The following ARHGAP25 variants were observed in gnomAD, a reference collection of about 807,000 sequenced individuals.
ARHGAP25 encodes rho GTPase-activating protein 25.
ARHGAP25 carries 34 observed loss-of-function variants against 71.0 expected under a neutral mutation model. That is an observed-to-expected ratio of 0.48 (90% confidence interval 0.36 to 0.64). The LOEUF (loss-of-function observed/expected upper bound fraction) is 0.64. Ranked by LOEUF, ARHGAP25 falls within the 30% of genes least tolerant of loss-of-function variation. The probability of loss-of-function intolerance (pLI) is 0.00; values close to 1 mark genes in which losing one functional copy is unlikely to be tolerated. For missense variants in ARHGAP25, 706 were observed against 805.1 expected (o/e 0.88, Z 1.49); for synonymous variants, 282 against 296.5 (o/e 0.95, Z 0.50).
At chr2:68,785,884 G>A (rs997835144) in intron 3 of ARHGAP25, among the ~76,000 whole-genome samples, 8 of 152,196 alleles carry the variant, frequency 5.3e-5, no homozygotes, top group Non-Finnish European at 1.2e-4. Flanking sequence ...ATGTGCCTGA[G>A]GTCAGAGGTG....
Position 68,822,886 on chromosome 2 carries a change from A to T in ARHGAP25, c.1733+14A>T. The T allele has an allele frequency of 6.3e-7, 1 of 1,589,648 alleles. No individual in the cohort carries two copies. The highest frequency in any genetic ancestry group is 1.1e-5 in the South Asian group (1 of 87,470). On this transcript the variant is annotated intron_variant, in intron 10 of 10. Coordinates refer to ENST00000409202, the MANE Select transcript of ARHGAP25 (RefSeq NM_001007231.3). ...ACAGATTAAAAAGTAAGTCAGACAG[A>T]GGGGCACTGAGAGGCACTTGGCTTC...
chr2:68,826,407 G>A lies in ARHGAP25; in HGVS notation c.*213G>A. On this transcript the variant is annotated 3_prime_UTR_variant, in exon 11 of 11. Coordinates refer to ENST00000409202, the MANE Select transcript of ARHGAP25 (RefSeq NM_001007231.3). ...TGGACATCTCTGACCATCCATCGCT[G>A]TATTCAAATGGATTGTTTTATTCCA... 1 of 670,822 alleles carries A rather than the reference G, an allele frequency of 1.5e-6. No homozygotes were observed. Among genetic ancestry groups the A allele is most frequent in the Non-Finnish European group, 2.7e-6 (1 of 370,030 alleles). The allele number at this position is 670,822 out of a possible 1,614,324, so 41.6% of individuals were successfully genotyped here. A position where few individuals can be genotyped will look rare whatever the true frequency, so the allele number is the denominator to read the frequency against.
upstream of ARHGAP25, among the ~76,000 whole-genome samples, chr2:68,732,118 T>C (rs1675036983): frequency 6.6e-6 from 1 of 152,212 alleles, no homozygotes; most frequent in Non-Finnish European, 1.5e-5. Flanking sequence ...CTCTTCATTT[T>C]ATGAAGATCA....
intron 9 of ARHGAP25, among the ~76,000 whole-genome samples, chr2:68,820,838 C>T (rs1681596312): frequency 1.4e-5 from 2 of 146,386 alleles, no homozygotes; most frequent in Admixed American, 1.4e-4. Context: ...TCCTTTTTTA[C>T]ACAAAATGTA....
intron 1 of ARHGAP25, among the ~76,000 whole-genome samples, chr2:68,759,521 C>T (rs1440029063): frequency 6.6e-6 from 1 of 151,780 alleles, no homozygotes; most frequent in Admixed American, 6.6e-5. Flanking sequence ...CCTATCAAGC[C>T]TAAACTAAAA....
At chr2:68,715,688 A>G (rs1018208083) in intron 2 of ARHGAP25, among the ~76,000 whole-genome samples, 2 of 152,194 alleles carry the variant, frequency 1.3e-5, no homozygotes, top group Admixed American at 6.5e-5. Flanking sequence ...TGAATGCCAG[A>G]GCCCCAAGAG....
At chr2:68,763,468 C>T (rs1676943709) in intron 1 of ARHGAP25, among the ~76,000 whole-genome samples, 1 of 152,170 alleles carries the variant, frequency 6.6e-6, no homozygotes, top group African/African-American at 2.4e-5. Context: ...TTCAATTCTT[C>T]CCTCCCCTTT....
chr2:68,775,191 G>A (rs1447089644), intron 1 of ARHGAP25, 30 bp from the exon 2 acceptor site: 3 of 1,614,232 alleles, frequency 1.9e-6, no homozygotes, highest in South Asian at 2.2e-5. Flanking sequence ...ATGTCCCTCG[G>A]TCAGTCGGCC....
intron 1 of ARHGAP25, among the ~76,000 whole-genome samples, chr2:68,755,602 AT>A (rs1184144455): frequency 6.6e-6 from 1 of 151,604 alleles, no homozygotes; most frequent in African/African-American, 2.4e-5. Context: ...ATCTATTTGC[AT>A]TTTGAAACCT....
At chr2:68,794,212 G>A (rs1008844699) in intron 4 of ARHGAP25, among the ~76,000 whole-genome samples, 6 of 152,130 alleles carry the variant, frequency 3.9e-5, no homozygotes, top group South Asian at 2.1e-4. Context: ...CATCATCAGC[G>A]AATAGGGATA....
intron 1 of ARHGAP25, among the ~76,000 whole-genome samples, chr2:68,760,394 A>G (rs899029670): frequency 6.6e-6 from 1 of 152,034 alleles, no homozygotes; most frequent in African/African-American, 2.4e-5. Context: ...GAAAAAGTAC[A>G]CTTATCTCTA....
At position 68,799,572 on chromosome 2, in the gene ARHGAP25, C is replaced by T. The variant is rs72901790; in HGVS notation, c.467-7701C>T. On this transcript the variant is annotated intron_variant, in intron 4 of 10. Transcript: ENST00000409202. ...ATAGAACAATGCTGGTAAGGGTTCC[C>T]GCGTGGGATTTTTTTTAACCCACCT... Among the ~76,000 whole-genome samples the T allele has an allele frequency of 9.9e-3, 1,505 of 152,262 alleles. 18 individuals carry two copies. Among genetic ancestry groups the T allele is most frequent in the African/African-American group, 0.034 (1,406 of 41,556 alleles).
chr2:68,781,389 C>CAAAAAAAAAAAAAAAAAAAAAAAAAAA, intron 2 of ARHGAP25, among the ~76,000 whole-genome samples: 1 of 151,950 alleles, frequency 6.6e-6, no homozygotes, highest in African/African-American at 2.4e-5. Context: ...GACTCCGTCT[C>CAAAAAAAAAAAAAAAAAAAAAAAAAAA]AAAAAGAAAC....
intron 3 of ARHGAP25, 58 bp from the exon 4 acceptor site, chr2:68,787,782 C>T: frequency 7.0e-7 from 1 of 1,419,282 alleles, no homozygotes. Context: ...CTTCTCTTCC[C>T]CTTGCTCTCA....
chr2:68,772,481 G>T (rs1201003397), intron 1 of ARHGAP25, among the ~76,000 whole-genome samples: 2 of 152,228 alleles, frequency 1.3e-5, no homozygotes, highest in Non-Finnish European at 2.9e-5. Flanking sequence ...CTTCACTGAG[G>T]CTACTGAAGT....
chr2:68,810,128 T>TAAAACCAAAAA (rs1680673773), intron 5 of ARHGAP25, among the ~76,000 whole-genome samples: 1 of 129,146 alleles, frequency 7.7e-6, no homozygotes, highest in Non-Finnish European at 1.6e-5. Context: ...AGCCCTTGAT[T>TAAAACCAAAAA]AAAAAAAAAA....
intron 5 of ARHGAP25, among the ~76,000 whole-genome samples, chr2:68,809,318 G>A (rs1229580914): frequency 6.6e-6 from 1 of 152,174 alleles, no homozygotes; most frequent in African/African-American, 2.4e-5. Context: ...GCATAGGGTA[G>A]GGAAAGGAGG....
chr2:68,719,538 A>T (rs1308870285), intron 2 of ARHGAP25, among the ~76,000 whole-genome samples: 1 of 152,028 alleles, frequency 6.6e-6, no homozygotes, highest in Non-Finnish European at 1.5e-5. Context: ...GGAAAAAAAT[A>T]ACTTTTTTTT....
intron 1 of ARHGAP25, among the ~76,000 whole-genome samples, chr2:68,735,742 A>T (rs1558604198): frequency 3.3e-5 from 5 of 152,180 alleles, no homozygotes; most frequent in African/African-American, 7.2e-5. Flanking sequence ...ACAAGACAGG[A>T]ACATAAAAAC....
Sources: allele counts gnomAD v4.1 joint callset (sites outside exome capture counted in the v4.1 genomes callset), GRCh38; gene constraint gnomAD v4.1.1; transcripts MANE v1.5; gene names NCBI Gene and HGNC (gene_info 2026-07-23, HGNC 2026-07-21).